PDE10A: variants seen among roughly 807,000 people sequenced by gnomAD.
The protein encoded by PDE10A is cAMP and cAMP-inhibited cGMP 3',5'-cyclic phosphodiesterase 10A.
A neutral mutation model predicts 97.7 loss-of-function variants in PDE10A; 39 were observed. The observed-to-expected ratio is 0.40, with a 90% CI of 0.31 to 0.52. PDE10A has a LOEUF of 0.52. Among genes scored for constraint, PDE10A ranks in the 20% least tolerant of loss-of-function variants. PDE10A has a pLI of 0.56. For missense variants in PDE10A, 731 were observed against 1,047.8 expected (o/e 0.70, Z 4.17); for synonymous variants, 371 against 376.8 (o/e 0.98, Z 0.18).
At chr6:165,544,663 G>T (rs1783644306) in intron 1 of PDE10A, among the ~76,000 whole-genome samples, 1 of 151,764 alleles carries the variant, frequency 6.6e-6, no homozygotes, top group Non-Finnish European at 1.5e-5. Flanking sequence ...AGAGTAGGCT[G>T]TATGTTTTCC....
intron 1 of PDE10A, among the ~76,000 whole-genome samples, chr6:165,755,331 C>T (rs1254069981): frequency 1.3e-5 from 2 of 152,120 alleles, no homozygotes; most frequent in South Asian, 2.1e-4. Context: ...ATAGCACTTG[C>T]GCGTTTTCAG....
At chr6:165,533,237 C>A (rs539456875) in intron 2 of PDE10A, among the ~76,000 whole-genome samples, 28 of 152,134 alleles carry the variant, frequency 1.8e-4, no homozygotes, top group African/African-American at 6.8e-4. Flanking sequence ...CAAGTTTATA[C>A]AGTAATATGT....
At chr6:165,914,801 C>T (rs1229645683) in intron 1 of PDE10A, among the ~76,000 whole-genome samples, 1 of 152,130 alleles carries the variant, frequency 6.6e-6, no homozygotes, top group Non-Finnish European at 1.5e-5. Flanking sequence ...AAGAGGTAGT[C>T]CCAGAAGTGT....
chr6:165,737,406 A>G (rs534869759), intron 1 of PDE10A, among the ~76,000 whole-genome samples: 82 of 152,352 alleles, frequency 5.4e-4, no homozygotes, highest in Non-Finnish European at 1.1e-3. Flanking sequence ...ATACTAGGAA[A>G]CCAAAATTAG....
At position 165,720,538 on chromosome 6, in the gene PDE10A, A is replaced by G. The variant is rs955141737; in HGVS notation, c.-614-176970T>C. ...AATCAGAAAGAAAAACCTGTCTGAA[A>G]TTCTCCTAAGATCAAGTCTTATATC... is the stretch of plus-strand genomic sequence containing the variant. On this transcript the variant is annotated intron_variant, in intron 1 of 19. Coordinates refer to the PDE10A transcript ENST00000366882. Among the ~76,000 whole-genome samples, 6 of 152,328 alleles carry G rather than the reference A, an allele frequency of 3.9e-5. No individual in the cohort carries two copies. The East Asian group carries it at 5.8e-4, about 15-fold the overall frequency.
intron 18 of PDE10A, 60 bp from the exon 19 acceptor site, chr6:165,343,562 A>T (rs1406095417): frequency 1.6e-5 from 19 of 1,169,530 alleles, no homozygotes; most frequent in Admixed American, 5.1e-5. Flanking sequence ...AGTAAGGACT[A>T]GAAAGACTTC....
intron 1 of PDE10A, among the ~76,000 whole-genome samples, chr6:165,899,962 G>A (rs193117367): frequency 6.6e-6 from 1 of 152,318 alleles, no homozygotes; most frequent in African/African-American, 2.4e-5. Flanking sequence ...AGATCCACTG[G>A]GGAGGGCTGA....
chr6:165,662,945 C>A lies in PDE10A; in HGVS notation c.-134G>T, dbSNP rs982446492. Among the ~76,000 whole-genome samples the A allele has an allele frequency of 2.6e-5, 4 of 151,270 alleles. No homozygotes were observed. Among genetic ancestry groups the A allele is most frequent in the Non-Finnish European group, 5.9e-5 (4 of 67,692 alleles). ...CGAACCGCTGCCTGGTCCTCCTCTC[C>A]GGTCTTCGGCTTCCCTCCCAGTCTA... On this transcript the variant is annotated 5_prime_UTR_variant, in exon 1 of 22. Coordinates refer to ENST00000539869, the MANE Select transcript of PDE10A (RefSeq NM_001385079.1).
At chr6:165,918,448 G>A (rs915760867) in intron 1 of PDE10A, among the ~76,000 whole-genome samples, 1 of 152,148 alleles carries the variant, frequency 6.6e-6, no homozygotes, top group East Asian at 1.9e-4. Flanking sequence ...AATGCTATGG[G>A]TACTTAAATG....
At chr6:165,613,836 C>A (rs1787606222) in intron 1 of PDE10A, among the ~76,000 whole-genome samples, 1 of 152,120 alleles carries the variant, frequency 6.6e-6, no homozygotes, top group African/African-American at 2.4e-5. Context: ...ACTGCTAATA[C>A]CAACCTGCTG....
intron 7 of PDE10A, among the ~76,000 whole-genome samples, 182 bp from the exon 8 acceptor site, chr6:165,431,654 T>A (rs1164999635): frequency 1.3e-5 from 2 of 149,516 alleles, no homozygotes; most frequent in African/African-American, 2.4e-5. Context: ...ACACTACTTG[T>A]AGTCATCTCA....
At chr6:165,340,091 C>G (rs1302253944) in intron 19 of PDE10A, among the ~76,000 whole-genome samples, 1 of 152,102 alleles carries the variant, frequency 6.6e-6, no homozygotes, top group African/African-American at 2.4e-5. Context: ...ACTAAAGATT[C>G]ACTATGATGC....
chr6:165,950,536 C>G (rs962700733), intron 1 of PDE10A, among the ~76,000 whole-genome samples: 4 of 152,226 alleles, frequency 2.6e-5, no homozygotes, highest in African/African-American at 9.6e-5. Flanking sequence ...GCTTTGCCAG[C>G]TCTGCTTAGA....
intron 18 of PDE10A, among the ~76,000 whole-genome samples, chr6:165,349,834 A>C (rs1400004580): frequency 6.6e-6 from 1 of 152,194 alleles, no homozygotes; most frequent in African/African-American, 2.4e-5. Context: ...TACTGGGTGC[A>C]AGCCCCAAGC....
At chr6:165,916,974 G>T (rs1273195135) in intron 1 of PDE10A, among the ~76,000 whole-genome samples, 3 of 152,140 alleles carry the variant, frequency 2.0e-5, no homozygotes, top group Admixed American at 6.5e-5. Flanking sequence ...CAATGAAAAT[G>T]GCTTAGATCG....
At chr6:165,898,975 G>A (rs369139335) in intron 1 of PDE10A, among the ~76,000 whole-genome samples, 2 of 152,080 alleles carry the variant, frequency 1.3e-5, no homozygotes, top group African/African-American at 2.4e-5. Flanking sequence ...AAAGGCCTTC[G>A]GGGACCCCAT....
rs1562809978 is a variant in PDE10A, at chr6:165,943,278, A to AAGGAAG, written c.-615+44250_-615+44251insCTTCCT. 1.2e-4 allele frequency among the ~76,000 whole-genome samples: 16 copies of AAGGAAG among 129,406 alleles called. 1 individual carries two copies. Among genetic ancestry groups the AAGGAAG allele is most frequent in the South Asian group, 5.4e-4 (2 of 3,688 alleles). 84.9% of individuals were successfully genotyped at this position (129,406 alleles called of 152,430 possible). ...AGGAAGGAAGGAAGGAAGGAAGGAA[A>AAGGAAG]GAAAGAAAGAAAGAAGGAAAGAAAG... is the stretch of plus-strand genomic sequence containing the variant. On this transcript the variant is annotated intron_variant, in intron 1 of 19. Transcript: ENST00000366882.
chr6:165,585,180 C>A (rs1016966697), intron 1 of PDE10A, among the ~76,000 whole-genome samples: 1 of 152,164 alleles, frequency 6.6e-6, no homozygotes, highest in Non-Finnish European at 1.5e-5. Flanking sequence ...AAAGGGTTAA[C>A]ACATTTTTGG....
chr6:165,759,958 T>C (rs1793212609), intron 1 of PDE10A, among the ~76,000 whole-genome samples: 1 of 152,262 alleles, frequency 6.6e-6, no homozygotes, highest in African/African-American at 2.4e-5. Context: ...CCATTCCACA[T>C]ACAATTATTT....
Sources: gnomAD v4.1 joint callset for allele counts (sites outside exome capture counted in the v4.1 genomes callset) on GRCh38, gnomAD v4.1.1 for gene constraint, MANE v1.5 for transcripts, NCBI Gene and HGNC (gene_info 2026-07-23, HGNC 2026-07-21) for gene names.